Variants in FYB1 observed in about 807,000 individuals in gnomAD.
FYB1 encodes FYN binding protein 1.
Under a neutral mutation model 94.1 loss-of-function variants are expected in FYB1, and 41 were observed. That is an observed-to-expected ratio of 0.44 (90% CI 0.34 to 0.57). The LOEUF is 0.57. Among genes scored for constraint, FYB1 ranks in the 20% least tolerant of loss-of-function variants. The pLI is 0.02. For missense variants in FYB1, 1,050 were observed against 976.8 expected (o/e 1.07, Z -1.00); for synonymous variants, 367 against 353.2 (o/e 1.04, Z -0.44).
At chr5:39,261,581 T>A (rs546840465) in intron 1 of FYB1, among the ~76,000 whole-genome samples, 1 of 152,144 alleles carries the variant, frequency 6.6e-6, no homozygotes, top group South Asian at 2.1e-4. Flanking sequence ...ACCCCATTTC[T>A]ACTAAAAGGA....
chr5:39,127,450 C>CAAAAA (rs34709432), intron 11 of FYB1, among the ~76,000 whole-genome samples: 1 of 66,404 alleles, frequency 1.5e-5, no homozygotes, highest in Admixed American at 1.6e-4. Flanking sequence ...GACTCTGTCT[C>CAAAAA]AAAAAAAAAA....
chr5:39,245,602 C>CT (rs200601347), intron 1 of FYB1, among the ~76,000 whole-genome samples: 10,644 of 140,828 alleles, frequency 0.076, 1,086 homozygotes, highest in East Asian at 0.21. Flanking sequence ...GAGGAAGAGG[C>CT]TTTTTTTTTT....
At chr5:39,170,267 C>T (rs1745129727) in intron 2 of FYB1, 1 of 1,313,320 alleles carries the variant, frequency 7.6e-7, no homozygotes, top group Non-Finnish European at 1.1e-6. Context: ...AGAGCTGTTG[C>T]AGCCCCTTGA....
intron 5 of FYB1, 108 bp from the exon 6 acceptor site, chr5:39,138,799 T>G (rs1471437134): frequency 4.1e-6 from 3 of 727,738 alleles, no homozygotes; most frequent in Non-Finnish European, 4.9e-6. Flanking sequence ...ATTTTTATAA[T>G]TTGAACCACA....
At chr5:39,203,022 C>T (rs1225174047) in intron 1 of FYB1, 35 bp from the exon 2 acceptor site, 3 of 1,584,574 alleles carry the variant, frequency 1.9e-6, no homozygotes, top group Non-Finnish European at 2.6e-6. Context: ...AGCTGAGAGA[C>T]AAAAGTCTTA....
chr5:39,242,538 A>T (rs997841789), intron 1 of FYB1, among the ~76,000 whole-genome samples: 6 of 152,012 alleles, frequency 3.9e-5, no homozygotes, highest in Non-Finnish European at 8.8e-5. Context: ...CCAATCTATC[A>T]TTGGTGGACA....
chr5:39,169,158 A>C, intron 2 of FYB1: 1 of 752,994 alleles, frequency 1.3e-6, no homozygotes, highest in Non-Finnish European at 2.4e-6. Context: ...CTTCTTGCAG[A>C]TCCCAAGTTT....
intron 2 of FYB1, among the ~76,000 whole-genome samples, chr5:39,162,905 G>A (rs1323946997): frequency 1.3e-5 from 2 of 151,964 alleles, no homozygotes; most frequent in Non-Finnish European, 2.9e-5. Context: ...TTTTATTTGT[G>A]TGAGTATGTC....
chr5:39,178,456 A>G (rs955491519), intron 2 of FYB1, among the ~76,000 whole-genome samples: 3 of 152,188 alleles, frequency 2.0e-5, no homozygotes, highest in Non-Finnish European at 4.4e-5. Context: ...TTCAGACTCT[A>G]TAGTCGTCAA....
At chr5:39,206,336 T>A (rs1042694313) in intron 1 of FYB1, among the ~76,000 whole-genome samples, 1 of 152,226 alleles carries the variant, frequency 6.6e-6, no homozygotes, top group Non-Finnish European at 1.5e-5. Context: ...TTAATAAGTT[T>A]AGTAGATAAA....
Position 39,187,817 on chromosome 5 carries a change from G to C in FYB1, c.1135+14009C>G, listed in dbSNP as rs1268791528. Among the ~76,000 whole-genome samples the C allele has an allele frequency of 2.1e-5, 3 of 146,008 alleles. No individual in the cohort carries two copies. In the Admixed American group the frequency reaches 2.1e-4, roughly 10 times the overall value. On this transcript the variant is annotated intron_variant, in intron 2 of 18. Coordinates refer to ENST00000512982, the MANE Select transcript of FYB1 (RefSeq NM_001465.6). Reference sequence around the variant, plus strand: ...TGCTTCCATTTTTTTTCTTTGCCTTGCATACCACCAGTAGTGCTAAGTTTT... The same window carrying C: ...TGCTTCCATTTTTTTTCTTTGCCTTCCATACCACCAGTAGTGCTAAGTTTT...
At chr5:39,267,375 T>TCAC (rs983312953) in intron 1 of FYB1, among the ~76,000 whole-genome samples, 3 of 150,982 alleles carry the variant, frequency 2.0e-5, no homozygotes, top group Admixed American at 6.6e-5. Flanking sequence ...ATCATCATCA[T>TCAC]CATCATCATC....
At chr5:39,207,239 T>G (rs762011350) in intron 1 of FYB1, among the ~76,000 whole-genome samples, 10 of 152,258 alleles carry the variant, frequency 6.6e-5, no homozygotes, top group Non-Finnish European at 1.2e-4. Flanking sequence ...TATTTCTACC[T>G]GCTATGTATC....
chr5:39,174,751 C>T (rs935503886), intron 2 of FYB1, among the ~76,000 whole-genome samples: 1 of 152,080 alleles, frequency 6.6e-6, no homozygotes, highest in African/African-American at 2.4e-5. Context: ...TGTTTAAAAA[C>T]CTTAAAAAGA....
At chr5:39,177,338 G>A (rs1003408063) in intron 2 of FYB1, among the ~76,000 whole-genome samples, 1 of 152,132 alleles carries the variant, frequency 6.6e-6, no homozygotes, top group Admixed American at 6.5e-5. Flanking sequence ...AAAGAAGTCC[G>A]TAACCTACCT....
At chr5:39,197,906 G>T (rs948679003) in intron 2 of FYB1, among the ~76,000 whole-genome samples, 3 of 152,112 alleles carry the variant, frequency 2.0e-5, no homozygotes, top group Non-Finnish European at 2.9e-5. Context: ...TTTGACTCTG[G>T]CATCATAAAT....
chr5:39,197,845 G>T (rs924369368), intron 2 of FYB1, among the ~76,000 whole-genome samples: 1 of 152,152 alleles, frequency 6.6e-6, no homozygotes, highest in Non-Finnish European at 1.5e-5. Flanking sequence ...GCATCTGAGC[G>T]CAGAAATTTC....
chr5:39,263,390 C>T (rs572608855), intron 1 of FYB1, among the ~76,000 whole-genome samples: 60 of 151,302 alleles, frequency 4.0e-4, no homozygotes, highest in African/African-American at 1.5e-3. Flanking sequence ...TTTTTTTTAA[C>T]ACAGTGGGAT....
At chr5:39,272,497 T>C (rs1317535016) in intron 1 of FYB1, among the ~76,000 whole-genome samples, 2 of 49,656 alleles carry the variant, frequency 4.0e-5, no homozygotes, top group Non-Finnish European at 1.6e-4. Flanking sequence ...ATCCCGTCTC[T>C]ACTAAAAAAA....
Sources: gnomAD v4.1 joint callset for allele counts (sites outside exome capture counted in the v4.1 genomes callset) on GRCh38, gnomAD v4.1.1 for gene constraint, MANE v1.5 for transcripts, NCBI Gene and HGNC (gene_info 2026-07-23, HGNC 2026-07-21) for gene names.